Variants in LAD1 observed in about 807,000 individuals in gnomAD.
The protein encoded by LAD1 is ladinin-1.
In LAD1, 53 loss-of-function variants were observed where a neutral mutation model predicts 54.2. The ratio of observed to expected loss-of-function variants is 0.98; its 90% CI spans 0.78 to 1.23. The LOEUF is 1.23. Among genes scored for constraint, LAD1 ranks in the 50% most tolerant of loss-of-function variants. The probability of loss-of-function intolerance (pLI) is 0.00; values close to 1 mark genes in which losing one functional copy is unlikely to be tolerated. For synonymous variants in LAD1, 231 were observed against 257.7 expected (o/e 0.90, Z 0.99); for missense variants, 637 against 653.3 (o/e 0.98, Z 0.27).
intron 2 of LAD1, 94 bp from the exon 3 acceptor site, chr1:201,387,272 G>A (rs1662112149): frequency 7.5e-7 from 1 of 1,342,174 alleles, no homozygotes; most frequent in African/African-American, 1.5e-5. Context: ...GGGCCACCAA[G>A]GAGGAGGTGA....
chr1:201,399,224 C>T (rs745557409), intron 1 of LAD1, 45 bp downstream of exon 1: 565 of 1,489,022 alleles, frequency 3.8e-4, no homozygotes, highest in Non-Finnish European at 4.8e-4. Context: ...GACCCAAAGG[C>T]TCCCCGCCGA....
intron 1 of LAD1, among the ~76,000 whole-genome samples, chr1:201,394,723 G>C (rs1276189977): frequency 1.3e-5 from 2 of 152,176 alleles, no homozygotes; most frequent in African/African-American, 4.8e-5. Context: ...CACACCTCCA[G>C]CTCCCTCCTC....
In LAD1 at chr1:201,382,700, T is replaced by G; in HGVS notation, c.1426A>C (p.Asn476His). 6.2e-7 allele frequency: 1 copy of G among 1,608,362 alleles called. No homozygotes were observed. The highest frequency in any genetic ancestry group is 8.5e-7 in the Non-Finnish European group (1 of 1,177,698). Residue 476 changes from asparagine (N) to histidine (H), a missense_variant, in exon 8 of 10, where the codon AAC becomes CAC. Transcript: ENST00000391967. The part of the protein sequence containing the change: ...RLSGVVTSRL[N>H]LWISRTQESG... ...TCCTGGGTCCTGCTGATCCACAGGTTGAGCCTTGATGTCACAACCCCTGAG... is the reference window on the plus strand; with the variant it reads ...TCCTGGGTCCTGCTGATCCACAGGTGGAGCCTTGATGTCACAACCCCTGAG...
intron 1 of LAD1, among the ~76,000 whole-genome samples, chr1:201,390,886 A>G (rs1020706622): frequency 2.0e-5 from 3 of 152,178 alleles, no homozygotes; most frequent in Non-Finnish European, 4.4e-5. Flanking sequence ...GGGGGTGACT[A>G]GGAACGTGGA....
chr1:201,392,461 G>T (rs1005037926), intron 1 of LAD1, among the ~76,000 whole-genome samples: 3 of 152,242 alleles, frequency 2.0e-5, no homozygotes, highest in African/African-American at 7.2e-5. Context: ...ATGAGAGAAG[G>T]TGGCTGGGTG....
intron 1 of LAD1, among the ~76,000 whole-genome samples, chr1:201,393,618 C>G (rs893744421): frequency 5.9e-5 from 9 of 151,806 alleles, no homozygotes; most frequent in Non-Finnish European, 8.8e-5. Flanking sequence ...TGGTGGCAGA[C>G]TCCTATAATC....
Position 201,384,721 on chromosome 1 carries a change from C to A in LAD1, c.1175+71G>T, listed in dbSNP as rs747757910. The A allele has an allele frequency of 6.1e-6, 9 of 1,470,548 alleles. No individual in the cohort carries two copies. The South Asian group carries it at 7.9e-5, about 13-fold the overall frequency. 91.1% of individuals were successfully genotyped at this position (1,470,548 alleles called of 1,614,324 possible). The stretch of plus-strand genomic sequence containing the variant: ...ACCGCACAGCCTGGCACAAGGAGGG[C>A]GGGTGCAGGTACTCAGAAAATAGCC... On this transcript the variant is annotated intron_variant, in intron 5 of 9. Transcript: ENST00000391967.
At chr1:201,384,933 T>G (rs1388796752) in intron 4 of LAD1, 98 bp from the exon 5 acceptor site, 84 of 1,099,424 alleles carry the variant, frequency 7.6e-5, no homozygotes, top group Admixed American at 3.0e-4. Flanking sequence ...GTCCTCCTCC[T>G]CTTCAGACCT....
intron 5 of LAD1, 34 bp downstream of exon 5, chr1:201,384,758 A>C (rs1380119659): frequency 9.9e-6 from 16 of 1,611,888 alleles, no homozygotes; most frequent in Non-Finnish European, 1.4e-5. Context: ...GAACATGGCC[A>C]AATAGAAAGA....
intron 3 of LAD1, 140 bp downstream of exon 3, chr1:201,386,195 G>C (rs1327541056): frequency 2.3e-6 from 2 of 862,338 alleles, no homozygotes; most frequent in East Asian, 2.8e-5. Context: ...AGCAGGCAGG[G>C]AAAGAAGAGA....
chr1:201,388,387 CAA>C (rs34554043), intron 2 of LAD1, among the ~76,000 whole-genome samples: 2 of 133,696 alleles, frequency 1.5e-5, no homozygotes. Flanking sequence ...GACTCCATCT[CAA>C]AAAAAAAAAA....
At chr1:201,385,162 A>G (rs1215629542) in intron 4 of LAD1, among the ~76,000 whole-genome samples, 1 of 152,088 alleles carries the variant, frequency 6.6e-6, no homozygotes, top group Non-Finnish European at 1.5e-5. Context: ...CTATTGGGCC[A>G]CCTCTCCAGG....
Position 201,381,204 on chromosome 1 carries a change from C to G in LAD1, c.*684G>C, listed in dbSNP as rs1443617242. The G allele has an allele frequency of 1.3e-5, 2 of 155,258 alleles. No individual in the cohort carries two copies. The highest frequency in any genetic ancestry group is 4.8e-5 in the African/African-American group (2 of 41,422). The allele number at this position is 155,258 out of a possible 1,614,324, so 9.6% of individuals were successfully genotyped here. A position where few individuals can be genotyped will look rare whatever the true frequency, so the allele number is the denominator to read the frequency against. ...GAGGAATTCGCTTCTAAGGTCTCAT[C>G]AGTCTCTTACACCTGAGAGTAAATG... On this transcript the variant is annotated 3_prime_UTR_variant, in exon 10 of 10. Coordinates refer to ENST00000391967, the MANE Select transcript of LAD1 (RefSeq NM_005558.4).
chr1:201,396,502 C>G (rs1329764862), intron 1 of LAD1, among the ~76,000 whole-genome samples: 1 of 152,150 alleles, frequency 6.6e-6, no homozygotes, highest in East Asian at 1.9e-4. Context: ...TGTTAAAAGT[C>G]ATATTTAGCA....
Position 201,385,699 on chromosome 1 carries a change from A to G in LAD1, c.1131+2T>C. ...GCAGACCAGGGTGCCCAGGGCTCTC[A>G]CCCGAAAGGAGATGGTCCTGGGGCT... On this transcript the variant is annotated splice_donor_variant, in intron 4 of 9. Transcript: ENST00000391967. LOFTEE classifies it high-confidence loss of function. 1 of 1,611,450 alleles carries G rather than the reference A, an allele frequency of 6.2e-7. No individual in the cohort carries two copies.
At chr1:201,396,080 T>C (rs1304171102) in intron 1 of LAD1, among the ~76,000 whole-genome samples, 1 of 152,176 alleles carries the variant, frequency 6.6e-6, no homozygotes, top group Non-Finnish European at 1.5e-5. Context: ...GGAAACCCCG[T>C]GGCCCATGCA....
In LAD1 at chr1:201,383,470, C is replaced by A; in HGVS notation, c.1176-81G>T. ...CCTGCCCCCAGGGCCTGAGGAGCAG[C>A]CCCATCACACGTTCTCATTGTGGCC... is the stretch of plus-strand genomic sequence containing the variant. On this transcript the variant is annotated intron_variant, in intron 5 of 9. Coordinates refer to ENST00000391967, the MANE Select transcript of LAD1 (RefSeq NM_005558.4). 3.2e-6 allele frequency: 4 copies of A among 1,248,564 alleles called. No individual in the cohort carries two copies. The Admixed American group carries it at 5.0e-5, about 16-fold the overall frequency. The allele number at this position is 1,248,564 out of a possible 1,614,324, so 77.3% of individuals were successfully genotyped here.
chr1:201,383,441 CA>C, intron 5 of LAD1, 52 bp from the exon 6 acceptor site: 1 of 1,553,260 alleles, frequency 6.4e-7, no homozygotes, highest in Non-Finnish European at 8.9e-7. Context: ...CCAGGGAGAC[CA>C]GGCCTGCCCC....
At chr1:201,397,827 CAT>C (rs1662325212) in intron 1 of LAD1, among the ~76,000 whole-genome samples, 1 of 135,134 alleles carries the variant, frequency 7.4e-6, no homozygotes, top group African/African-American at 2.8e-5. Context: ...CACACACACA[CAT>C]AAGCATACAT....
Sources: gnomAD v4.1 joint callset for allele counts (sites outside exome capture counted in the v4.1 genomes callset) on GRCh38, gnomAD v4.1.1 for gene constraint, MANE v1.5 for transcripts, NCBI Gene and HGNC (gene_info 2026-07-23, HGNC 2026-07-21) for gene names.